Variants in PKD1L3 observed in about 807,000 individuals in gnomAD.
The protein encoded by PKD1L3 is polycystin-1-like protein 3.
In PKD1L3, 239 loss-of-function variants were observed where a neutral mutation model predicts 184.1. That is an observed-to-expected ratio of 1.30 (90% CI 1.17 to 1.45). The LOEUF is 1.45. Among genes scored for constraint, PKD1L3 ranks in the 40% most tolerant of loss-of-function variants. PKD1L3 has a pLI of 0.00. For synonymous variants in PKD1L3, 996 were observed against 778.8 expected (o/e 1.28, Z -4.64); for missense variants, 2,660 against 2,067.2 (o/e 1.29, Z -5.56).
At chr16:71,977,562 T>TCCTC (rs59253077) in intron 10 of PKD1L3, 95 bp from the exon 11 acceptor site, 181,970 of 620,472 alleles carry the variant, frequency 0.29, 21,079 homozygotes, top group African/African-American at 0.47. Context: ...TCCTAGCTCT[T>TCCTC]TTTTTTTTTT....
chr16:71,999,761 T>C lies in PKD1L3; in HGVS notation c.218A>G (p.Tyr73Cys). ...CCACCACTTCTTTCCTTCTTCCAGA[T>C]AGTCCCGGATGAGATCTTGAACTTC... ...NKEVQDLIRD[Y>C]LEEGKKWWIG... Residue 73 changes from tyrosine to cysteine, a missense_variant, in exon 1 of 30, where the codon TAT becomes TGT. Transcript: ENST00000620267. 2 of 1,551,800 alleles carry C rather than the reference T, an allele frequency of 1.3e-6. No homozygotes were observed. Among genetic ancestry groups the C allele is most frequent in the Non-Finnish European group, 1.7e-6 (2 of 1,146,994 alleles).
chr16:71,979,600 C>T (rs1208571243), intron 9 of PKD1L3, among the ~76,000 whole-genome samples, 186 bp downstream of exon 9: 2 of 152,214 alleles, frequency 1.3e-5, no homozygotes, highest in Non-Finnish European at 2.9e-5. Context: ...TTCCCAACTT[C>T]TACAGTGGAT....
intron 2 of PKD1L3, among the ~76,000 whole-genome samples, chr16:71,994,771 A>T (rs927477152): frequency 6.6e-6 from 1 of 151,882 alleles, no homozygotes; most frequent in Non-Finnish European, 1.5e-5. Context: ...GGCCGAGGAG[A>T]CTGTATCACC....
rs2039111778 is a variant in PKD1L3 at position 71,957,986 on chromosome 16, A to G, written c.2613-3685T>C. ...GCTGTCACAATGTTTCTGCTTAGGAACTGCTCCACAGGCAGAAGACAATGT... is the reference window on the plus strand; with the variant it reads ...GCTGTCACAATGTTTCTGCTTAGGAGCTGCTCCACAGGCAGAAGACAATGT... On this transcript the variant is annotated intron_variant, in intron 16 of 29. Coordinates refer to ENST00000620267, the MANE Select transcript of PKD1L3 (RefSeq NM_181536.2). 1.3e-5 allele frequency among the ~76,000 whole-genome samples: 2 copies of G among 152,338 alleles called. 1 individual carries two copies. The highest frequency in any genetic ancestry group is 4.8e-5 in the African/African-American group (2 of 41,580).
chr16:71,979,401 G>T (rs1415279902), intron 9 of PKD1L3, among the ~76,000 whole-genome samples: 3 of 152,040 alleles, frequency 2.0e-5, no homozygotes, highest in Non-Finnish European at 4.4e-5. Flanking sequence ...CCGAGATCAC[G>T]CCACTGCACT....
Position 71,942,647 on chromosome 16 carries a change from G to A in PKD1L3, c.4237C>T (p.Pro1413Ser), listed in dbSNP as rs2038400148. Reference sequence around the variant, plus strand: ...GTGGGAATCAGCACCATGGGCCTGGGTGAACAGATGTAACTGAACCTCCTT... The same window carrying A: ...GTGGGAATCAGCACCATGGGCCTGGATGAACAGATGTAACTGAACCTCCTT... The part of the protein sequence containing the change: ...HLRRFSYICS[P>S]RPMVLIPTDE... Residue 1413 changes from proline to serine, a missense_variant, in exon 24 of 30, where the codon CCC becomes TCC. Transcript: ENST00000620267. 6.4e-7 allele frequency: 1 copy of A among 1,551,716 alleles called. No homozygotes were observed. Among genetic ancestry groups the A allele is most frequent in the Non-Finnish European group, 8.7e-7 (1 of 1,147,004 alleles).
intron 21 of PKD1L3, among the ~76,000 whole-genome samples, chr16:71,948,803 T>TACA (rs2038718020): frequency 1.2e-5 from 1 of 81,206 alleles, no homozygotes; most frequent in African/African-American, 4.7e-5. Flanking sequence ...TTACATATAG[T>TACA]AAAAAAAAAA....
intron 3 of PKD1L3, among the ~76,000 whole-genome samples, chr16:71,992,718 A>G (rs78594147): frequency 0.013 from 2,039 of 152,290 alleles, 42 homozygotes; most frequent in African/African-American, 0.047. Context: ...TGATCAGGAC[A>G]TCTAACATTT....
At chr16:71,933,791 A>C in intron 27 of PKD1L3, 124 bp downstream of exon 27, 3 of 1,085,158 alleles carry the variant, frequency 2.8e-6, no homozygotes, top group Non-Finnish European at 4.0e-6. Context: ...GTGGAACTAG[A>C]TCTAAACCCG....
intron 19 of PKD1L3, among the ~76,000 whole-genome samples, chr16:71,950,826 G>A (rs376646900): frequency 2.2e-4 from 33 of 149,576 alleles, no homozygotes; most frequent in African/African-American, 5.2e-4. Flanking sequence ...TCTGCCTCCC[G>A]GGTTCAAGTG....
chr16:71,960,024 G>A (rs1467685221), intron 16 of PKD1L3, among the ~76,000 whole-genome samples: 18 of 152,144 alleles, frequency 1.2e-4, no homozygotes, highest in Admixed American at 1.2e-3. Flanking sequence ...AGGAAGCTGA[G>A]GTGGGAGGAT....
rs748369257 is a variant in PKD1L3 at position 71,993,283 on chromosome 16, G to C, written c.468C>G (p.Ser156=). The part of the protein sequence containing the change: ...DAHYERNGNN[S]HLYQRHKKTK... ...TCTTCTTGTGTCTCTGGTACAAATG[G>C]GAATTATTTCCATTTCTTTCATAAT... is the stretch of plus-strand genomic sequence containing the variant. The change falls in exon 3 of 30, where the codon TCC becomes TCG. Residue 156 remains serine, a synonymous_variant. Transcript: ENST00000620267. 3 of 1,549,420 alleles carry C rather than the reference G, an allele frequency of 1.9e-6. No homozygotes were observed. The highest frequency in any genetic ancestry group is 1.4e-5 in the African/African-American group (1 of 72,750).
At chr16:71,999,475 T>C (rs951335031) in intron 1 of PKD1L3, among the ~76,000 whole-genome samples, 3 of 152,156 alleles carry the variant, frequency 2.0e-5, no homozygotes, top group Admixed American at 6.6e-5. Flanking sequence ...TTAGATGGGT[T>C]CCAGGAAAAA....
chr16:71,977,417 G>C lies in PKD1L3; in HGVS notation c.1578C>G (p.Asn526Lys), dbSNP rs539770217. ...VSLETHPTSL[N>K]MSTHQLTITV... is the part of the protein sequence containing the mutation. Reference sequence around the variant, plus strand: ...TGATTGTAAGCTGATGTGTGCTCATGTTGAGGCTGGTGGGATGGGTTTCCA... The same window carrying C: ...TGATTGTAAGCTGATGTGTGCTCATCTTGAGGCTGGTGGGATGGGTTTCCA... Residue 526 changes from asparagine to lysine, a missense_variant, in exon 11 of 30, where the codon AAC becomes AAG. By Grantham distance (94) the Asn-to-Lys change is moderately conservative (BLOSUM62 0). Transcript: ENST00000620267. The C allele has an allele frequency of 4.5e-6, 7 of 1,551,512 alleles. No homozygotes were observed. Among genetic ancestry groups the C allele is most frequent in the Non-Finnish European group, 5.2e-6 (6 of 1,146,930 alleles).
intron 24 of PKD1L3, among the ~76,000 whole-genome samples, chr16:71,941,511 C>CA (rs1181491037): frequency 4.7e-5 from 7 of 148,190 alleles, no homozygotes; most frequent in Non-Finnish European, 8.9e-5. Flanking sequence ...AGAAATTAAC[C>CA]AAAAAAATGC....
chr16:71,939,258 C>A (rs1426091113), intron 24 of PKD1L3, among the ~76,000 whole-genome samples: 1 of 152,252 alleles, frequency 6.6e-6, no homozygotes, highest in Non-Finnish European at 1.5e-5. Flanking sequence ...GGACCCCGTG[C>A]TTGCTCATCC....
In PKD1L3 at chr16:71,936,641, C is replaced by T. The variant is rs1478855390; in HGVS notation, c.4452+651G>A. 4.6e-5 allele frequency among the ~76,000 whole-genome samples: 7 copies of T among 151,560 alleles called. No homozygotes were observed. In the East Asian group the frequency reaches 1.2e-3, roughly 25 times the overall value. ...CAGCTGGGATTACAGGCATATGCCA[C>T]CACGCCCGGCTAAATTTGTATTTTT... is the stretch of plus-strand genomic sequence containing the variant. On this transcript the variant is annotated intron_variant, in intron 25 of 29. Transcript: ENST00000620267.
At chr16:71,990,247 T>C (rs1352205637) in intron 4 of PKD1L3, 33 bp downstream of exon 4, 1 of 1,500,460 alleles carries the variant, frequency 6.7e-7, no homozygotes, top group African/African-American at 1.4e-5. Context: ...AGATCAACAT[T>C]TCACAATGTA....
intron 2 of PKD1L3, among the ~76,000 whole-genome samples, chr16:71,995,837 A>G (rs557575983): frequency 2.6e-4 from 39 of 152,316 alleles, no homozygotes; most frequent in Non-Finnish European, 1.6e-4. Flanking sequence ...ATATATACAG[A>G]TTATATCTTA....
Sources: gnomAD v4.1 joint callset for allele counts (sites outside exome capture counted in the v4.1 genomes callset) on GRCh38, gnomAD v4.1.1 for gene constraint, MANE v1.5 for transcripts, NCBI Gene and HGNC (gene_info 2026-07-23, HGNC 2026-07-21) for gene names.